The following FREM3 variants were observed in gnomAD, a reference collection of about 807,000 sequenced individuals.
The protein encoded by FREM3 is FRAS1-related extracellular matrix protein 3.
FREM3 carries 105 observed loss-of-function variants against 129.1 expected under a neutral mutation model. The observed-to-expected ratio is 0.81, with a 90% confidence interval of 0.69 to 0.96. FREM3 has a LOEUF of 0.96. Ranked by LOEUF, FREM3 falls within the 40% of genes least tolerant of loss-of-function variation. FREM3 has a pLI of 0.00. For missense variants in FREM3, 2,593 were observed against 2,666.3 expected, an observed-to-expected ratio of 0.97 and a Z score of 0.61; for synonymous variants, 1,014 against 1,044.9, an observed-to-expected ratio of 0.97 and a Z score of 0.57.
chr4:143,591,671 G>A (rs540955824), intron 6 of FREM3, among the ~76,000 whole-genome samples: 88 of 152,214 alleles, frequency 5.8e-4, no homozygotes, highest in African/African-American at 1.9e-3. Flanking sequence ...TATGTGGTCA[G>A]TTTTGGAATA....
intron 6 of FREM3, among the ~76,000 whole-genome samples, chr4:143,598,736 T>C (rs1408788376): frequency 6.6e-6 from 1 of 152,182 alleles, no homozygotes; most frequent in Admixed American, 6.5e-5. Context: ...CATAATACTG[T>C]ATTTTTATTA....
Position 143,696,633 on chromosome 4 carries a change from G to T in FREM3, c.4043C>A (p.Ser1348Tyr), listed in dbSNP as rs1054833840. The T allele has an allele frequency of 6.5e-7, 1 of 1,537,702 alleles. No individual in the cohort carries two copies. The highest frequency in any genetic ancestry group is 8.7e-7 in the Non-Finnish European group (1 of 1,147,038). ...CTGTAGAAGCCCTTGTTGAGGCCCA[G>T]AATGGAGGACAAAACTGAGGCTTTT... The part of the protein sequence containing the change: ...DDKSLSFVLH[S>Y]GPQQGLLQRL... Residue 1348 changes from serine to tyrosine, a missense_variant, in exon 1 of 8, where the codon TCT (serine) becomes TAT (tyrosine). Ser to Tyr is a moderately radical substitution (Grantham distance 144). Transcript: ENST00000329798.
At chr4:143,618,529 A>C (rs1025653512) in intron 5 of FREM3, among the ~76,000 whole-genome samples, 1 of 152,142 alleles carries the variant, frequency 6.6e-6, no homozygotes, top group African/African-American at 2.4e-5. Flanking sequence ...ACTGAGGGCT[A>C]AGCTGATTAA....
At chr4:143,615,089 A>T (rs1738821342) in intron 5 of FREM3, among the ~76,000 whole-genome samples, 1 of 152,240 alleles carries the variant, frequency 6.6e-6, no homozygotes, top group African/African-American at 2.4e-5. Flanking sequence ...AAATGTTAAA[A>T]TCAGAGAGAA....
rs373423737 is a variant in FREM3 at position 143,584,272 on chromosome 4, G to A, written c.6178+1572C>T. On this transcript the variant is annotated intron_variant, in intron 7 of 7. Coordinates refer to ENST00000329798, the MANE Select transcript of FREM3 (RefSeq NM_001168235.2). ...AAAATACAAAAAATTAGCCGGGCGCGGTGGCGGGCGCCTGTGGTCCCAGCT... is the reference window on the plus strand; with the variant it reads ...AAAATACAAAAAATTAGCCGGGCGCAGTGGCGGGCGCCTGTGGTCCCAGCT... 9.7e-3 allele frequency among the ~76,000 whole-genome samples: 1,472 copies of A among 152,110 alleles called. 27 individuals are homozygous for A. The highest frequency in any genetic ancestry group is 0.034 in the African/African-American group (1,417 of 41,500).
intron 6 of FREM3, among the ~76,000 whole-genome samples, chr4:143,592,860 T>C (rs1738391830): frequency 6.6e-6 from 1 of 152,140 alleles, no homozygotes; most frequent in South Asian, 2.1e-4. Flanking sequence ...ATTCTCCCCG[T>C]CACTTTCAGG....
At chr4:143,678,293 A>G (rs1366576105) in intron 2 of FREM3, among the ~76,000 whole-genome samples, 1 of 152,162 alleles carries the variant, frequency 6.6e-6, no homozygotes, top group Non-Finnish European at 1.5e-5. Flanking sequence ...TGCAAGGACA[A>G]AAAAACCAAA....
chr4:143,676,629 A>T (rs889588051), intron 2 of FREM3, among the ~76,000 whole-genome samples: 1 of 152,194 alleles, frequency 6.6e-6, no homozygotes, highest in Non-Finnish European at 1.5e-5. Context: ...ACATGATTGT[A>T]TATCTAGAAA....
Position 143,696,800 on chromosome 4 carries a change from G to A in FREM3, c.3876C>T (p.His1292=), listed in dbSNP as rs1438584636. ...VWLSDGKHTT[H]RKVPIVVTLV... ...GGGTCACTACAATGGGTACCTTCCT[G>A]TGGGTTGTGTGCTTGCCGTCACTCA... Residue 1292 remains histidine, a synonymous_variant, in exon 1 of 8, where the codon CAC becomes CAT. Coordinates refer to ENST00000329798, the MANE Select transcript of FREM3 (RefSeq NM_001168235.2). 3.9e-6 allele frequency: 6 copies of A among 1,537,694 alleles called. No individual in the cohort carries two copies. Among genetic ancestry groups the A allele is most frequent in the Non-Finnish European group, 5.2e-6 (6 of 1,147,064 alleles).
chr4:143,593,072 G>T (rs1211077728), intron 6 of FREM3, among the ~76,000 whole-genome samples: 2 of 152,098 alleles, frequency 1.3e-5, no homozygotes, highest in Non-Finnish European at 2.9e-5. Flanking sequence ...CTCGTGCTGT[G>T]GTTTTCAGCT....
intron 2 of FREM3, among the ~76,000 whole-genome samples, chr4:143,648,022 G>T (rs150738265): frequency 6.6e-6 from 1 of 152,196 alleles, no homozygotes; most frequent in Non-Finnish European, 1.5e-5. Flanking sequence ...AAGCCACAGC[G>T]CAGAGCTGTT....
At chr4:143,649,979 T>C (rs1017105450) in intron 2 of FREM3, among the ~76,000 whole-genome samples, 2 of 152,220 alleles carry the variant, frequency 1.3e-5, no homozygotes, top group Admixed American at 1.3e-4. Flanking sequence ...GGAATTTAGC[T>C]GGGGAGCATT....
rs982093605 is a variant in FREM3, at chr4:143,695,638, C to T, written c.5038G>A (p.Gly1680Ser). 1 of 1,537,060 alleles carries T rather than the reference C, an allele frequency of 6.5e-7. No individual in the cohort carries two copies. The highest frequency in any genetic ancestry group is 1.4e-5 in the African/African-American group (1 of 73,008). The change falls in exon 1 of 8, where the codon GGC becomes AGC. Residue 1680 changes from glycine to serine, a missense_variant. By Grantham distance (56) the Gly-to-Ser change is moderately conservative. Coordinates refer to ENST00000329798, the MANE Select transcript of FREM3 (RefSeq NM_001168235.2). ...ALKRLHTGHM[G>S]FLITSKSLKA... ...AGAGACTTGCTGGTAATCAGGAAGC[C>T]CATGTGTCCAGTGTGAAGGCGCTTC...
Position 143,624,175 on chromosome 4 carries a change from A to G in FREM3, c.5586T>C (p.Ser1862=). ...ACTCCAGTACAGCCATGAGAGGTTC[A>G]GACAGAATGATCTGGAAGGTCTCTG... ...ETSETFQIIL[S]EPLMAVLEFP... Residue 1862 remains serine (S), a synonymous_variant, in exon 4 of 8, where the codon TCT becomes TCC. Coordinates refer to ENST00000329798, the MANE Select transcript of FREM3 (RefSeq NM_001168235.2). The G allele has an allele frequency of 6.5e-7, 1 of 1,537,014 alleles. No homozygotes were observed. Among genetic ancestry groups the G allele is most frequent in the Non-Finnish European group, 8.7e-7 (1 of 1,146,708 alleles).
chr4:143,610,719 T>C (rs977668526), intron 6 of FREM3, among the ~76,000 whole-genome samples: 1 of 152,208 alleles, frequency 6.6e-6, no homozygotes, highest in Non-Finnish European at 1.5e-5. Flanking sequence ...CTGGGCTTGA[T>C]ACTTTGTGTC....
chr4:143,673,547 A>C (rs1045214692), intron 2 of FREM3, among the ~76,000 whole-genome samples: 2 of 152,208 alleles, frequency 1.3e-5, no homozygotes, highest in Non-Finnish European at 2.9e-5. Context: ...TCAGGGACCC[A>C]CTTGAGGAGG....
chr4:143,696,325 T>A lies in FREM3; in HGVS notation c.4351A>T (p.Asn1451Tyr). The A allele has an allele frequency of 6.5e-7, 1 of 1,537,460 alleles. No homozygotes were observed. Among genetic ancestry groups the A allele is most frequent in the Non-Finnish European group, 8.7e-7 (1 of 1,146,954 alleles). The change falls in exon 1 of 8, where the codon AAC (asparagine) becomes TAC (tyrosine). Residue 1451 changes from asparagine (N) to tyrosine (Y), a missense_variant. This residue lies in a region of FREM3 where 2,276 missense variants were observed against 2,267.2 expected (regional missense o/e 1.00). Coordinates refer to ENST00000329798, the MANE Select transcript of FREM3 (RefSeq NM_001168235.2). ...RVTLTNNLLTNSDINSSDEHH... is the reference protein window; with the variant it reads ...RVTLTNNLLTYSDINSSDEHH... Reference sequence around the variant, plus strand: ...TCATCAGAGCTGTTGATGTCACTGTTGGTAAGCAGATTGTTGGTAAGGGTC... The same window carrying A: ...TCATCAGAGCTGTTGATGTCACTGTAGGTAAGCAGATTGTTGGTAAGGGTC...
chr4:143,626,059 C>A (rs561004006), intron 3 of FREM3, among the ~76,000 whole-genome samples: 3 of 151,988 alleles, frequency 2.0e-5, no homozygotes, highest in African/African-American at 7.3e-5. Context: ...TCCTGTGGTT[C>A]GACTATTAGC....
At chr4:143,690,864 C>T (rs1486476562) in intron 2 of FREM3, among the ~76,000 whole-genome samples, 2 of 152,154 alleles carry the variant, frequency 1.3e-5, no homozygotes, top group Non-Finnish European at 2.9e-5. Context: ...GAAAAATTCA[C>T]TCATTGGGCA....
Sources: gnomAD v4.1 joint callset for allele counts (sites outside exome capture counted in the v4.1 genomes callset) on GRCh38, gnomAD v4.1.1 for gene constraint, gnomAD v4.1.1 regional missense constraint, MANE v1.5 for transcripts, NCBI Gene and HGNC (gene_info 2026-07-23, HGNC 2026-07-21) for gene names.